DCLK3: variants seen among roughly 807,000 people sequenced by gnomAD.
DCLK3 encodes doublecortin like kinase 3.
A neutral mutation model predicts 46.4 loss-of-function variants in DCLK3; 30 were observed. The observed-to-expected ratio is 0.65, with a 90% CI of 0.48 to 0.88. DCLK3 has a LOEUF of 0.88. Ranked by LOEUF, DCLK3 falls within the 40% of genes least tolerant of loss-of-function variation. DCLK3 has a pLI of 0.00. For synonymous variants in DCLK3, 401 were observed against 339.2 expected (o/e 1.18, Z -2.00); for missense variants, 846 against 907.1 (o/e 0.93, Z 0.87).
intron 1 of DCLK3, among the ~76,000 whole-genome samples, chr3:36,756,586 C>A (rs760057679): frequency 6.6e-6 from 1 of 152,102 alleles, no homozygotes; most frequent in Non-Finnish European, 1.5e-5. Flanking sequence ...CCTCTGAAAC[C>A]GAAACAACAT....
chr3:36,721,479 T>G (rs771443686), intron 3 of DCLK3, 48 bp downstream of exon 3: 2 of 1,589,534 alleles, frequency 1.3e-6, no homozygotes, highest in East Asian at 2.2e-5. Context: ...AATGAAACAT[T>G]TGTTAGTAAG....
At chr3:36,722,443 T>C (rs371353649) in intron 2 of DCLK3, among the ~76,000 whole-genome samples, 8 of 152,228 alleles carry the variant, frequency 5.3e-5, no homozygotes, top group Admixed American at 5.2e-4. Flanking sequence ...CATGATGTAA[T>C]GATTATGCAT....
At chr3:36,732,338 T>C (rs1701208681) in intron 2 of DCLK3, among the ~76,000 whole-genome samples, 1 of 152,226 alleles carries the variant, frequency 6.6e-6, no homozygotes, top group Admixed American at 6.5e-5. Flanking sequence ...TTGAGAAATT[T>C]CCTGTAACCT....
In DCLK3 at chr3:36,714,968, T is replaced by C. The variant is rs943666128; in HGVS notation, c.*360A>G. 2.0e-4 allele frequency: 38 copies of C among 191,980 alleles called. No individual in the cohort carries two copies. The highest frequency in any genetic ancestry group is 8.5e-4 in the African/African-American group (36 of 42,256). The allele number at this position is 191,980 out of a possible 1,614,324, so 11.9% of individuals were successfully genotyped here. ...TTTTATTAACACAGAAAGACCACAA[T>C]GCACCTTATTAATCTCACAGGGGGA... On this transcript the variant is annotated 3_prime_UTR_variant, in exon 5 of 5. Transcript: ENST00000636136.
chr3:36,737,580 C>G lies in DCLK3; in HGVS notation c.1587G>C (p.Arg529=). 2.5e-6 allele frequency: 4 copies of G among 1,614,176 alleles called. No homozygotes were observed. The highest frequency in any genetic ancestry group is 2.5e-6 in the Non-Finnish European group (3 of 1,180,048). ...ANVEKHYETG[R]VIGDGNFAVV... ...CAGCAAAGTTCCCATCCCCAATGAC[C>G]CGGCCAGTCTCATAATGCTTTTCCA... is the stretch of plus-strand genomic sequence containing the variant. Residue 529 remains arginine, a synonymous_variant, in exon 2 of 5, where the codon CGG becomes CGC. Coordinates refer to ENST00000636136, the MANE Select transcript of DCLK3 (RefSeq NM_001394672.2). The surrounding 1 kb of genome is among the most constrained non-coding windows in gnomAD (Gnocchi z 4.4).
chr3:36,721,756 A>G (rs1207435008), intron 2 of DCLK3, 97 bp from the exon 3 acceptor site: 5 of 1,455,078 alleles, frequency 3.4e-6, no homozygotes, highest in Non-Finnish European at 4.8e-6. Flanking sequence ...AGAAAAGCAA[A>G]CCATAAACCT....
chr3:36,748,491 AG>A (rs932148198), intron 1 of DCLK3, among the ~76,000 whole-genome samples: 1 of 152,086 alleles, frequency 6.6e-6, no homozygotes, highest in Admixed American at 6.5e-5. Context: ...TCAGCAGAGG[AG>A]GTTGATGAGG....
intron 1 of DCLK3, among the ~76,000 whole-genome samples, chr3:36,762,276 A>T (rs186150472): frequency 1.5e-3 from 234 of 152,352 alleles, no homozygotes; most frequent in Middle Eastern, 3.4e-3. Context: ...TCATGTTTGG[A>T]TAACATAGGA....
intron 2 of DCLK3, among the ~76,000 whole-genome samples, chr3:36,727,870 C>G (rs1207343415): frequency 6.6e-6 from 1 of 152,204 alleles, no homozygotes; most frequent in East Asian, 1.9e-4. Context: ...ATTTTTGCAA[C>G]AAGCACCTCA....
At chr3:36,745,243 T>C (rs1019078293) in intron 1 of DCLK3, among the ~76,000 whole-genome samples, 1 of 152,242 alleles carries the variant, frequency 6.6e-6, no homozygotes, top group African/African-American at 2.4e-5. Context: ...TTTTACCTTT[T>C]CCAAGTCATT....
chr3:36,741,258 A>ACGC (rs1701341425), intron 1 of DCLK3, among the ~76,000 whole-genome samples: 5 of 152,164 alleles, frequency 3.3e-5, no homozygotes, highest in Non-Finnish European at 1.5e-5. Context: ...ATGTGCACAA[A>ACGC]AGGGCTGGTG....
chr3:36,729,248 TGG>T (rs71085143), intron 2 of DCLK3, among the ~76,000 whole-genome samples: 1,623 of 92,710 alleles, frequency 0.018, 59 homozygotes, highest in African/African-American at 0.054. Context: ...TGTGTGTGTG[TGG>T]GGGGGGGGGG....
intron 2 of DCLK3, among the ~76,000 whole-genome samples, chr3:36,731,468 C>T (rs1701198011): frequency 6.6e-6 from 1 of 151,960 alleles, no homozygotes; most frequent in Admixed American, 6.6e-5. Flanking sequence ...CACACACACA[C>T]ACACACACAC....
chr3:36,760,491 G>C (rs1228292014), intron 1 of DCLK3, among the ~76,000 whole-genome samples: 9 of 144,574 alleles, frequency 6.2e-5, no homozygotes, highest in Admixed American at 2.1e-4. Context: ...TTGGGGGAGG[G>C]GGGAGGGATA....
At chr3:36,735,988 G>T (rs1339604159) in intron 2 of DCLK3, among the ~76,000 whole-genome samples, 1 of 152,208 alleles carries the variant, frequency 6.6e-6, no homozygotes, top group Non-Finnish European at 1.5e-5. Flanking sequence ...TCTATCAAGT[G>T]GTGATTGGGG....
chr3:36,741,988 G>A (rs1259253054), intron 1 of DCLK3, among the ~76,000 whole-genome samples: 1 of 152,142 alleles, frequency 6.6e-6, no homozygotes, highest in Non-Finnish European at 1.5e-5. Context: ...ATAGGACAAA[G>A]GAACATTCAG....
intron 1 of DCLK3, among the ~76,000 whole-genome samples, chr3:36,755,214 C>T (rs1701475400): frequency 6.6e-6 from 1 of 152,168 alleles, no homozygotes. Flanking sequence ...ATCAGTTCTT[C>T]CCATTTGTAA....
intron 1 of DCLK3, among the ~76,000 whole-genome samples, chr3:36,761,172 G>A (rs1701536387): frequency 6.6e-6 from 1 of 152,200 alleles, no homozygotes; most frequent in African/African-American, 2.4e-5. Flanking sequence ...ACATCATGAT[G>A]CCTCTACATA....
intron 1 of DCLK3, among the ~76,000 whole-genome samples, chr3:36,741,086 G>C (rs1302709859): frequency 1.3e-5 from 2 of 152,190 alleles, no homozygotes; most frequent in Non-Finnish European, 2.9e-5. Flanking sequence ...ATGGACATCT[G>C]TTATCCCTTT....
Sources: gnomAD v4.1 joint callset for allele counts (sites outside exome capture counted in the v4.1 genomes callset) on GRCh38, gnomAD v4.1.1 for gene constraint, Gnocchi (gnomAD v3.1) non-coding constraint, MANE v1.5 for transcripts, NCBI Gene and HGNC (gene_info 2026-07-23, HGNC 2026-07-21) for gene names.